Variants in PTPRD observed in about 807,000 individuals in gnomAD.
PTPRD encodes the protein protein tyrosine phosphatase receptor type D, also known as receptor-type tyrosine-protein phosphatase delta.
A neutral mutation model predicts 214.5 loss-of-function variants in PTPRD; 34 were observed. That is an observed-to-expected ratio of 0.16 (90% CI 0.12 to 0.21). The LOEUF is 0.21. PTPRD is among the 10% of genes least tolerant of loss of function. The pLI is 1.00. For synonymous variants in PTPRD, 1,128 were observed against 845.7 expected (o/e 1.33, Z -5.79); for missense variants, 2,545 against 2,398.7 (o/e 1.06, Z -1.27).
At chr9:8,618,742 G>C (rs1343531825) in intron 14 of PTPRD, among the ~76,000 whole-genome samples, 1 of 151,622 alleles carries the variant, frequency 6.6e-6, no homozygotes, top group Non-Finnish European at 1.5e-5. Context: ...TGTTGCCCAG[G>C]CTAGAATGCA....
intron 5 of PTPRD, among the ~76,000 whole-genome samples, chr9:9,887,261 G>C (rs1031851466): frequency 1.3e-5 from 2 of 151,988 alleles, no homozygotes; most frequent in African/African-American, 4.8e-5. Flanking sequence ...AATAAACCAT[G>C]AAAATTTTCC....
At chr9:10,527,074 T>A (rs1321342800) in intron 2 of PTPRD, among the ~76,000 whole-genome samples, 1 of 152,088 alleles carries the variant, frequency 6.6e-6, no homozygotes, top group Non-Finnish European at 1.5e-5. Context: ...TCTCACCAAC[T>A]TCAGAGTAAT....
intron 2 of PTPRD, among the ~76,000 whole-genome samples, chr9:10,547,722 C>T (rs1162699107): frequency 1.3e-5 from 2 of 151,386 alleles, no homozygotes; most frequent in African/African-American, 4.9e-5. Flanking sequence ...TATAAGTGTA[C>T]ATATAGCAAC....
At chr9:8,676,502 C>G (rs2097422445) in intron 12 of PTPRD, among the ~76,000 whole-genome samples, 1 of 151,804 alleles carries the variant, frequency 6.6e-6, no homozygotes, top group South Asian at 2.1e-4. Flanking sequence ...CATGCCCCAG[C>G]CTCCTGAGTA....
At chr9:9,798,200 G>A (rs1190030818) in intron 5 of PTPRD, among the ~76,000 whole-genome samples, 1 of 151,970 alleles carries the variant, frequency 6.6e-6, no homozygotes, top group Non-Finnish European at 1.5e-5. Context: ...TGTAGGGGAG[G>A]AAACCTTTAT....
intron 8 of PTPRD, among the ~76,000 whole-genome samples, chr9:9,493,935 T>C (rs562254388): frequency 1.3e-5 from 2 of 152,102 alleles, no homozygotes; most frequent in South Asian, 4.1e-4. Flanking sequence ...TTATTCCAAA[T>C]GCTATTAAGA....
chr9:8,360,173 A>G (rs539295751), intron 39 of PTPRD, among the ~76,000 whole-genome samples: 3 of 152,242 alleles, frequency 2.0e-5, no homozygotes, highest in Non-Finnish European at 2.9e-5. Context: ...AGATAGACGT[A>G]AAAGTAATTT....
chr9:8,533,582 C>T (rs1040368739), intron 14 of PTPRD, among the ~76,000 whole-genome samples: 1 of 151,870 alleles, frequency 6.6e-6, no homozygotes, highest in African/African-American at 2.4e-5. Context: ...AGACAAGCAG[C>T]TGTTATCATG....
chr9:9,056,743 G>T (rs575154579), intron 10 of PTPRD, among the ~76,000 whole-genome samples: 6 of 152,196 alleles, frequency 3.9e-5, no homozygotes, highest in Non-Finnish European at 7.3e-5. Flanking sequence ...CATGTTTGGC[G>T]TAGGCCTGTA....
rs962351407 is a variant in PTPRD at position 8,462,266 on chromosome 9, T to C, written c.3715-1695A>G. Among the ~76,000 whole-genome samples, 3 of 152,124 alleles carry C rather than the reference T, an allele frequency of 2.0e-5. No homozygotes were observed. The East Asian group carries it at 5.8e-4, about 30-fold the overall frequency. On this transcript the variant is annotated intron_variant, in intron 32 of 45. Transcript: ENST00000381196. The stretch of plus-strand genomic sequence containing the variant: ...GATTTTACCTTACAGAAAAAAGGAA[T>C]AGAATGGAAACACTGATATTAGCTA...
At chr9:8,740,079 A>C (rs7046821) in intron 11 of PTPRD, among the ~76,000 whole-genome samples, 9,773 of 152,198 alleles carry the variant, frequency 0.064, 817 homozygotes, top group African/African-American at 0.2. Flanking sequence ...CATCCTGCCA[A>C]ATAAAAGATT....
In PTPRD at chr9:8,499,695, C is replaced by G. The variant is rs2136814667; in HGVS notation, c.2274G>C (p.Glu758Asp). The G allele has an allele frequency of 6.2e-7, 1 of 1,614,044 alleles. No homozygotes were observed. Among genetic ancestry groups the G allele is most frequent in the East Asian group, 2.2e-5 (1 of 44,878 alleles). ...CTTTCAGCATGGGCTGGCCCTTGGG[C>G]TCACCATTTTCCATCCTCACATAAT... Reference protein sequence around the residue: ...QVHYVRMENGEPKGQPMLKDV... With the variant: ...QVHYVRMENGDPKGQPMLKDV... The change falls in exon 25 of 46, where the codon GAG becomes GAC. Residue 758 changes from glutamate to aspartate, a missense_variant. Coordinates refer to ENST00000381196, the MANE Select transcript of PTPRD (RefSeq NM_002839.4).
At chr9:8,402,494 T>G (rs1217379864) in intron 36 of PTPRD, among the ~76,000 whole-genome samples, 1 of 152,176 alleles carries the variant, frequency 6.6e-6, no homozygotes, top group Non-Finnish European at 1.5e-5. Flanking sequence ...GAAACAATGC[T>G]ACAATAGAGC....
chr9:8,609,011 T>G (rs544678110), intron 14 of PTPRD, among the ~76,000 whole-genome samples: 15 of 152,174 alleles, frequency 9.9e-5, no homozygotes, highest in Non-Finnish European at 2.1e-4. Flanking sequence ...ATCACCTCTA[T>G]AATTCAGAGG....
chr9:9,961,398 A>C (rs1195908980), intron 4 of PTPRD, among the ~76,000 whole-genome samples: 5 of 152,184 alleles, frequency 3.3e-5, no homozygotes, highest in Non-Finnish European at 5.9e-5. Flanking sequence ...ATTGAGAACA[A>C]ACAAGAAGAA....
At chr9:9,644,230 C>T (rs1472193478) in intron 7 of PTPRD, among the ~76,000 whole-genome samples, 1 of 152,024 alleles carries the variant, frequency 6.6e-6, no homozygotes, top group African/African-American at 2.4e-5. Context: ...TTTTGCTTTT[C>T]CCTTGTGCAG....
intron 34 of PTPRD, among the ~76,000 whole-genome samples, chr9:8,441,205 C>T (rs555842317): frequency 7.9e-5 from 12 of 151,996 alleles, no homozygotes; most frequent in Non-Finnish European, 1.5e-4. Context: ...ACAGAGACTC[C>T]AGAAAGAACA....
chr9:10,516,191 A>G (rs1277124268), intron 2 of PTPRD, among the ~76,000 whole-genome samples: 2 of 151,878 alleles, frequency 1.3e-5, no homozygotes, highest in African/African-American at 4.8e-5. Context: ...TATTCCTACT[A>G]ACAGCGTTCA....
intron 2 of PTPRD, among the ~76,000 whole-genome samples, chr9:10,578,891 A>AT (rs2070628014): frequency 6.6e-6 from 1 of 151,996 alleles, no homozygotes; most frequent in African/African-American, 2.4e-5. Flanking sequence ...TTAAATCTAC[A>AT]TTTTATCTTC....
Sources: allele counts gnomAD v4.1 joint callset (sites outside exome capture counted in the v4.1 genomes callset), GRCh38; gene constraint gnomAD v4.1.1; transcripts MANE v1.5; gene names NCBI Gene and HGNC (gene_info 2026-07-23, HGNC 2026-07-21).